The following ANO4 variants were observed in gnomAD, a reference collection of about 807,000 sequenced individuals.
ANO4 encodes anoctamin 4.
A neutral mutation model predicts 141.9 loss-of-function variants in ANO4; 69 were observed. The observed-to-expected ratio is 0.49, with a 90% CI of 0.40 to 0.59. The LOEUF (loss-of-function observed/expected upper bound fraction) is 0.59. ANO4 is among the 20% of genes least tolerant of loss of function. ANO4 has a pLI of 0.00. For synonymous variants in ANO4, 350 were observed against 394.3 expected (o/e 0.89, Z 1.33); for missense variants, 894 against 1,162.2 (o/e 0.77, Z 3.36).
At chr12:101,024,842 T>G (rs2046669147) in intron 9 of ANO4, among the ~76,000 whole-genome samples, 1 of 152,206 alleles carries the variant, frequency 6.6e-6, no homozygotes, top group Non-Finnish European at 1.5e-5. Context: ...ATATTTAGTA[T>G]TAATGTGAAG....
intron 15 of ANO4, 42 bp downstream of exon 15, chr12:101,079,317 C>G (rs1342889540): frequency 1.3e-6 from 2 of 1,528,456 alleles, no homozygotes; most frequent in Non-Finnish European, 1.8e-6. Flanking sequence ...AAGCAAATCA[C>G]CCAGAACCAC....
rs1170683046 is a variant in ANO4 at position 101,080,619 on chromosome 12, G to C, written c.1395+1344G>C. Among the ~76,000 whole-genome samples the C allele has an allele frequency of 2.0e-5, 3 of 152,000 alleles. No homozygotes were observed. In the South Asian group the frequency reaches 6.2e-4, roughly 32 times the overall value. On this transcript the variant is annotated intron_variant, in intron 15 of 27. Coordinates refer to ENST00000392977, the MANE Select transcript of ANO4 (RefSeq NM_001286615.2). ...TCTTCTCCCTGTGTCTTCAGGCCAG[G>C]AGTTCGAGACCAGCCTGGCCAATAT... is the stretch of plus-strand genomic sequence containing the variant.
chr12:100,866,233 A>G (rs559793888), intron 1 of ANO4, among the ~76,000 whole-genome samples: 5 of 152,306 alleles, frequency 3.3e-5, no homozygotes, highest in East Asian at 1.9e-4. Flanking sequence ...TCTCATCGCT[A>G]TGGCTCTATG....
Position 100,759,758 on chromosome 12 carries a change from A to G in ANO4, c.358+19653A>G, listed in dbSNP as rs59233482. On this transcript the variant is annotated intron_variant, in intron 3 of 29. Transcript: ENST00000644049. ...TGTACCATTTTGAGCCCGTTTCCCCATGGAACACCCAGTGTCTATTGCTAA... is the reference window on the plus strand; with the variant it reads ...TGTACCATTTTGAGCCCGTTTCCCCGTGGAACACCCAGTGTCTATTGCTAA... Among the ~76,000 whole-genome samples, 1,244 of 152,282 alleles carry G rather than the reference A, an allele frequency of 8.2e-3. 19 individuals are homozygous for G. Among genetic ancestry groups the G allele is most frequent in the African/African-American group, 0.028 (1,169 of 41,558 alleles).
At chr12:100,724,574 CAA>C (rs2031022351) in intron 1 of ANO4, among the ~76,000 whole-genome samples, 2 of 152,140 alleles carry the variant, frequency 1.3e-5, no homozygotes, top group African/African-American at 4.8e-5. Flanking sequence ...ATGATAGTAA[CAA>C]AGAGATCTGT....
chr12:100,831,271 T>G (rs1264647838), intron 1 of ANO4, among the ~76,000 whole-genome samples: 1 of 152,118 alleles, frequency 6.6e-6, no homozygotes, highest in African/African-American at 2.4e-5. Flanking sequence ...ATGAGTATGT[T>G]GACACTTGCG....
At chr12:100,731,267 A>G (rs1307930184) in intron 1 of ANO4, among the ~76,000 whole-genome samples, 3 of 152,230 alleles carry the variant, frequency 2.0e-5, no homozygotes, top group African/African-American at 4.8e-5. Context: ...TGTTGCAACT[A>G]TTTAATATGA....
intron 8 of ANO4, among the ~76,000 whole-genome samples, chr12:101,000,361 C>G (rs1354631961): frequency 6.6e-6 from 1 of 152,222 alleles, no homozygotes; most frequent in African/African-American, 2.4e-5. Context: ...CTTTTAAACT[C>G]TCAGCATAGA....
At chr12:100,762,769 T>C (rs60330710) in intron 3 of ANO4, among the ~76,000 whole-genome samples, 8,530 of 152,210 alleles carry the variant, frequency 0.056, 719 homozygotes, top group African/African-American at 0.18. Context: ...CCTGAACACA[T>C]ACTCTGTGCC....
chr12:100,956,259 A>C (rs758297998), intron 5 of ANO4, among the ~76,000 whole-genome samples: 1 of 152,236 alleles, frequency 6.6e-6, no homozygotes, highest in Non-Finnish European at 1.5e-5. Flanking sequence ...CATTACCTAC[A>C]AACTTAGCCA....
At chr12:101,052,332 C>G (rs1241592523) in intron 14 of ANO4, among the ~76,000 whole-genome samples, 1 of 152,080 alleles carries the variant, frequency 6.6e-6, no homozygotes, top group Admixed American at 6.5e-5. Flanking sequence ...CATTTTTGTT[C>G]AGAAAGGTCC....
intron 14 of ANO4, among the ~76,000 whole-genome samples, chr12:101,063,040 C>T (rs1378815170): frequency 1.3e-5 from 2 of 152,232 alleles, no homozygotes; most frequent in Non-Finnish European, 2.9e-5. Context: ...ATCTCCTGGT[C>T]TGCAGGTTAT....
intron 1 of ANO4, among the ~76,000 whole-genome samples, chr12:100,845,383 G>C (rs865836778): frequency 2.0e-5 from 3 of 152,116 alleles, no homozygotes; most frequent in Non-Finnish European, 4.4e-5. Context: ...GGGGTTTAAA[G>C]GGTAGGAATG....
intron 1 of ANO4, among the ~76,000 whole-genome samples, chr12:100,895,433 C>G (rs1343604728): frequency 1.3e-5 from 2 of 152,114 alleles, no homozygotes; most frequent in Non-Finnish European, 2.9e-5. Flanking sequence ...AATAGCACAC[C>G]TTGGAAGTGG....
chr12:101,097,339 A>T (rs1004462509), intron 19 of ANO4, among the ~76,000 whole-genome samples: 1 of 152,184 alleles, frequency 6.6e-6, no homozygotes, highest in Non-Finnish European at 1.5e-5. Flanking sequence ...ATGTGTTTAA[A>T]TCCAGGAGTA....
chr12:100,883,500 T>G (rs530383768), intron 1 of ANO4, among the ~76,000 whole-genome samples: 119 of 152,370 alleles, frequency 7.8e-4, no homozygotes, highest in African/African-American at 2.6e-3. Context: ...AAGAGAGAGA[T>G]AGCCTACTGA....
chr12:100,990,091 G>T (rs1337316305), intron 8 of ANO4, among the ~76,000 whole-genome samples: 1 of 152,030 alleles, frequency 6.6e-6, no homozygotes, highest in Non-Finnish European at 1.5e-5. Context: ...ATGAATAGAG[G>T]AATAAATGAA....
chr12:100,890,069 TATTA>T (rs1383918352), intron 1 of ANO4, among the ~76,000 whole-genome samples: 1 of 151,846 alleles, frequency 6.6e-6, no homozygotes, highest in East Asian at 1.9e-4. Flanking sequence ...GTTATGTCAG[TATTA>T]ATTATAATTA....
intron 1 of ANO4, among the ~76,000 whole-genome samples, chr12:100,876,291 A>AATAAAT (rs1555236583): frequency 8.8e-4 from 134 of 151,436 alleles, no homozygotes; most frequent in African/African-American, 2.9e-3. Flanking sequence ...AAAAAAAAAA[A>AATAAAT]AAAAACAGTG....
Sources: gnomAD v4.1 joint callset for allele counts (sites outside exome capture counted in the v4.1 genomes callset) on GRCh38, gnomAD v4.1.1 for gene constraint, MANE v1.5 for transcripts, NCBI Gene and HGNC (gene_info 2026-07-23, HGNC 2026-07-21) for gene names.